The following EYS variants were observed in gnomAD, a reference collection of about 807,000 sequenced individuals.
EYS encodes EGF-like photoreceptor maintenance factor.
In EYS, 250 loss-of-function variants were observed where a neutral mutation model predicts 282.1. That is an observed-to-expected ratio of 0.89 (90% CI 0.80 to 0.98). EYS has a LOEUF of 0.98. Ranked by LOEUF, EYS falls within the 50% of genes least tolerant of loss-of-function variation. The probability of loss-of-function intolerance (pLI) is 0.00; values close to 1 mark genes in which losing one functional copy is unlikely to be tolerated. For synonymous variants in EYS, 1,355 were observed against 1,282.9 expected, an observed-to-expected ratio of 1.06 and a Z score of -1.20; for missense variants, 4,016 against 3,709.0, an observed-to-expected ratio of 1.08 and a Z score of -2.15.
chr6:64,430,419 C>T (rs1033226370), intron 28 of EYS, among the ~76,000 whole-genome samples: 1 of 152,128 alleles, frequency 6.6e-6, no homozygotes, highest in Non-Finnish European at 1.5e-5. Context: ...TGTAATCTGA[C>T]ATGCTAAGCA....
chr6:64,683,365 A>G (rs898730184), intron 22 of EYS, among the ~76,000 whole-genome samples: 3 of 152,258 alleles, frequency 2.0e-5, no homozygotes, highest in Non-Finnish European at 2.9e-5. Context: ...CTAGGGCCAC[A>G]TGAATTAACA....
At chr6:65,439,119 T>C (rs1046398499) in intron 5 of EYS, among the ~76,000 whole-genome samples, 6 of 152,152 alleles carry the variant, frequency 3.9e-5, no homozygotes, top group East Asian at 3.9e-4. Context: ...GGAATCATTT[T>C]CCCATTTCTT....
intron 13 of EYS, among the ~76,000 whole-genome samples, chr6:65,011,042 C>A (rs1223745119): frequency 2.0e-5 from 3 of 152,160 alleles, no homozygotes; most frequent in African/African-American, 7.2e-5. Flanking sequence ...ATGGGGTAAT[C>A]CCCTCCGGGA....
intron 1 of EYS, among the ~76,000 whole-genome samples, chr6:65,661,927 G>A (rs1206541861): frequency 6.6e-6 from 1 of 152,032 alleles, no homozygotes; most frequent in African/African-American, 2.4e-5. Context: ...AGTTTTGAAT[G>A]GAGGCATAAT....
At chr6:64,878,227 A>T (rs980803283) in intron 19 of EYS, among the ~76,000 whole-genome samples, 1 of 152,132 alleles carries the variant, frequency 6.6e-6, no homozygotes, top group Non-Finnish European at 1.5e-5. Context: ...CTCCATCGGA[A>T]AAAAGAAAAT....
At chr6:64,805,541 T>A (rs1764396887) in intron 22 of EYS, among the ~76,000 whole-genome samples, 1 of 151,774 alleles carries the variant, frequency 6.6e-6, no homozygotes, top group Admixed American at 6.6e-5. Context: ...CTACTCAAAA[T>A]ATATTTTTAT....
chr6:64,211,068 A>C (rs1323066945), intron 31 of EYS, among the ~76,000 whole-genome samples: 1 of 152,026 alleles, frequency 6.6e-6, no homozygotes, highest in African/African-American at 2.4e-5. Flanking sequence ...TTGGACTTGG[A>C]TTTGAACTGA....
chr6:65,413,860 A>C (rs1366982456), intron 5 of EYS, among the ~76,000 whole-genome samples: 1 of 152,130 alleles, frequency 6.6e-6, no homozygotes, highest in African/African-American at 2.4e-5. Context: ...TGTCTTAAAA[A>C]AAAAAGGAAT....
chr6:64,775,034 G>A (rs368495715), intron 22 of EYS, among the ~76,000 whole-genome samples: 17 of 151,916 alleles, frequency 1.1e-4, no homozygotes, highest in East Asian at 3.9e-4. Context: ...GTGCAAACTC[G>A]AATGCCTAGA....
chr6:65,015,871 A>G (rs1432569929), intron 13 of EYS, among the ~76,000 whole-genome samples: 1 of 29,010 alleles, frequency 3.4e-5, no homozygotes, highest in East Asian at 5.5e-4. Flanking sequence ...CGTCTCTACT[A>G]AAAAAAAAAA....
At chr6:64,441,778 T>C (rs1214202647) in intron 26 of EYS, among the ~76,000 whole-genome samples, 1 of 152,178 alleles carries the variant, frequency 6.6e-6, no homozygotes, top group East Asian at 1.9e-4. Context: ...CTGCCATCCA[T>C]GTAAGAGGTG....
intron 12 of EYS, among the ~76,000 whole-genome samples, chr6:65,215,883 A>T (rs1244190167): frequency 6.6e-6 from 1 of 152,192 alleles, no homozygotes; most frequent in African/African-American, 2.4e-5. Context: ...AACAATGAAG[A>T]ATTTTTCAGT....
intron 13 of EYS, among the ~76,000 whole-genome samples, chr6:65,012,628 C>G (rs1771909253): frequency 6.6e-6 from 1 of 151,854 alleles, no homozygotes; most frequent in African/African-American, 2.4e-5. Context: ...AGCCAAGTGT[C>G]CCTGTGATTC....
intron 40 of EYS, among the ~76,000 whole-genome samples, 194 bp from the exon 41 acceptor site, chr6:63,762,827 A>G (rs186289884): frequency 6.6e-6 from 1 of 152,214 alleles, no homozygotes; most frequent in East Asian, 1.9e-4. Flanking sequence ...CACACCAAAG[A>G]CTTTAAACGA....
chr6:64,581,570 A>G (rs1263643820), intron 26 of EYS, among the ~76,000 whole-genome samples: 1 of 152,150 alleles, frequency 6.6e-6, no homozygotes, highest in Non-Finnish European at 1.5e-5. Flanking sequence ...GCATAATGCC[A>G]GCTTTAATGA....
intron 22 of EYS, among the ~76,000 whole-genome samples, chr6:64,652,722 C>A (rs549885469): frequency 6.6e-6 from 1 of 152,250 alleles, no homozygotes; most frequent in Non-Finnish European, 1.5e-5. Flanking sequence ...TTCATGAAAT[C>A]GTCATTTATG....
At chr6:63,782,698 C>A (rs1278938186) in intron 39 of EYS, among the ~76,000 whole-genome samples, 1 of 152,086 alleles carries the variant, frequency 6.6e-6, no homozygotes, top group African/African-American at 2.4e-5. Flanking sequence ...TTTCAAAAAA[C>A]CAGCTTCTGG....
intron 23 of EYS, among the ~76,000 whole-genome samples, chr6:64,624,183 A>T (rs1210700399): frequency 6.6e-6 from 1 of 152,156 alleles, no homozygotes; most frequent in African/African-American, 2.4e-5. Context: ...TAGTGATCTG[A>T]AAAGCAGCCT....
At chr6:65,631,862 G>C (rs924369665) in intron 2 of EYS, among the ~76,000 whole-genome samples, 10 of 152,108 alleles carry the variant, frequency 6.6e-5, no homozygotes, top group Non-Finnish European at 1.5e-4. Flanking sequence ...GCATAAAAGA[G>C]AATAATGAAT....
Sources: allele counts gnomAD v4.1 joint callset (sites outside exome capture counted in the v4.1 genomes callset), GRCh38; gene constraint gnomAD v4.1.1; transcripts MANE v1.5; gene names NCBI Gene and HGNC (gene_info 2026-07-23, HGNC 2026-07-21).